The following TXNDC9 variants were observed in gnomAD, a reference collection of about 807,000 sequenced individuals.
The protein encoded by TXNDC9 is thioredoxin domain-containing protein 9.
A neutral mutation model predicts 23.0 loss-of-function variants in TXNDC9; 7 were observed. The observed-to-expected ratio is 0.30, with a 90% CI of 0.17 to 0.57. TXNDC9 has a LOEUF of 0.57. Ranked by LOEUF, TXNDC9 falls within the 20% of genes least tolerant of loss-of-function variation. The pLI, the probability that TXNDC9 is intolerant of heterozygous loss-of-function variation, is 0.90. For missense variants in TXNDC9, 198 were observed against 252.6 expected, an observed-to-expected ratio of 0.78 and a Z score of 1.47; for synonymous variants, 72 against 90.6, an observed-to-expected ratio of 0.79 and a Z score of 1.17.
At chr2:99,317,531 GCT>G (rs1370308391), downstream of TXNDC9, among the ~76,000 whole-genome samples, 2 of 152,104 alleles carry the variant, frequency 1.3e-5, no homozygotes, top group African/African-American at 4.8e-5. Context: ...TTTTGATAGG[GCT>G]CTCTTTTACC....
chr2:99,319,674 A>C lies in TXNDC9; in HGVS notation c.*8T>G, dbSNP rs765623222. On this transcript the variant is annotated 3_prime_UTR_variant, in exon 5 of 5. Coordinates refer to ENST00000264255, the MANE Select transcript of TXNDC9 (RefSeq NM_005783.4). Reference sequence around the variant, plus strand: ...AAAAAAAGACAATTTACAAAGAATTATTGAGCTCTAATCATCATCAGAGTC... The same window carrying C: ...AAAAAAAGACAATTTACAAAGAATTCTTGAGCTCTAATCATCATCAGAGTC... The C allele has an allele frequency of 6.5e-7, 1 of 1,538,168 alleles. No individual in the cohort carries two copies. Among genetic ancestry groups the C allele is most frequent in the Non-Finnish European group, 8.8e-7 (1 of 1,133,162 alleles).
intron 2 of TXNDC9, among the ~76,000 whole-genome samples, chr2:99,330,768 C>T (rs890399516): frequency 3.9e-5 from 6 of 152,130 alleles, no homozygotes; most frequent in South Asian, 2.1e-4. Flanking sequence ...TCCCCAATAC[C>T]CTCGTGGATC....
chr2:99,315,567 C>A (rs2094187380), downstream of TXNDC9, among the ~76,000 whole-genome samples: 1 of 152,206 alleles, frequency 6.6e-6, no homozygotes, highest in Non-Finnish European at 1.5e-5. Context: ...TGACTTGTCA[C>A]ATCAACAAGG....
rs544347968 is a variant in TXNDC9, at chr2:99,322,887, A to G, written c.309-678T>C. 1,954 of 371,940 alleles carry G rather than the reference A, an allele frequency of 5.3e-3. 35 individuals are homozygous for G. Among genetic ancestry groups the G allele is most frequent in the African/African-American group, 0.038 (1,804 of 47,136 alleles). 23.0% of individuals were successfully genotyped at this position (371,940 alleles called of 1,614,324 possible). A position where few individuals can be genotyped will look rare whatever the true frequency, so the allele number is the denominator to read the frequency against. On this transcript the variant is annotated intron_variant, in intron 3 of 4. Transcript: ENST00000264255. ...TGCCATTCTCCTGCCTCAGCCTCCC[A>G]AGTAGCTGGGACTACAGGCGCCTGC...
intron 3 of TXNDC9, 91 bp from the exon 4 acceptor site, chr2:99,322,300 G>C: frequency 6.7e-7 from 1 of 1,483,238 alleles, no homozygotes; most frequent in South Asian, 1.4e-5. Flanking sequence ...TAATTATGTA[G>C]TTTTTCTGTT....
downstream of TXNDC9, among the ~76,000 whole-genome samples, chr2:99,317,164 A>G (rs899189774): frequency 1.3e-5 from 2 of 152,116 alleles, no homozygotes; most frequent in African/African-American, 4.8e-5. Context: ...TTTGGAACAC[A>G]CTTATAATAA....
intron 4 of TXNDC9, 84 bp from the exon 5 acceptor site, chr2:99,319,883 C>T: frequency 1.2e-6 from 1 of 822,944 alleles, no homozygotes; most frequent in Non-Finnish European, 1.9e-6. Flanking sequence ...TTGTTTTCTT[C>T]CTGTAACATA....
At chr2:99,329,606 C>A (rs763959260) in intron 2 of TXNDC9, among the ~76,000 whole-genome samples, 4 of 152,238 alleles carry the variant, frequency 2.6e-5, no homozygotes, top group Non-Finnish European at 5.9e-5. Flanking sequence ...CTCTCAAATA[C>A]AATTCCCTAA....
the TXNDC9 span, among the ~76,000 whole-genome samples, chr2:99,307,277 TGC>T: frequency 6.6e-6 from 1 of 151,954 alleles, no homozygotes; most frequent in African/African-American, 2.4e-5. Flanking sequence ...GGTTAATGTT[TGC>T]AAAATGCCAG....
At chr2:99,323,469 C>T (rs1038248488) in intron 3 of TXNDC9, among the ~76,000 whole-genome samples, 2 of 152,136 alleles carry the variant, frequency 1.3e-5, no homozygotes, top group African/African-American at 2.4e-5. Flanking sequence ...GATGCAGTGG[C>T]TCACGCCTGT....
intron 3 of TXNDC9, among the ~76,000 whole-genome samples, chr2:99,326,063 A>G (rs886197777): frequency 6.6e-6 from 1 of 151,992 alleles, no homozygotes; most frequent in African/African-American, 2.4e-5. Context: ...AATATTTTAC[A>G]TACTAGTATA....
downstream of TXNDC9, among the ~76,000 whole-genome samples, chr2:99,318,658 C>CTAGA (rs1354439230): frequency 6.6e-5 from 10 of 152,178 alleles, no homozygotes; most frequent in Non-Finnish European, 1.3e-4. Context: ...CTTCACTCTA[C>CTAGA]GTACGAGTAA....
the TXNDC9 span, among the ~76,000 whole-genome samples, chr2:99,309,234 G>A: frequency 5.2e-4 from 79 of 151,594 alleles, no homozygotes; most frequent in Middle Eastern, 0.01. Flanking sequence ...TTAGCTGGGC[G>A]TGGTGGCACA....
At chr2:99,317,725 G>A (rs1354027546), downstream of TXNDC9, among the ~76,000 whole-genome samples, 3 of 151,278 alleles carry the variant, frequency 2.0e-5, no homozygotes, top group Non-Finnish European at 2.9e-5. Flanking sequence ...TGGTCCTCCC[G>A]CCTCCGCATC....
chr2:99,314,183 C>A (rs910984781), downstream of TXNDC9, among the ~76,000 whole-genome samples: 2 of 152,014 alleles, frequency 1.3e-5, no homozygotes, highest in African/African-American at 4.8e-5. Flanking sequence ...TCCTTTGCAG[C>A]CTTTAAAACT....
intron 3 of TXNDC9, among the ~76,000 whole-genome samples, chr2:99,326,299 A>T (rs1465693183): frequency 1.3e-5 from 2 of 152,176 alleles, no homozygotes; most frequent in African/African-American, 4.8e-5. Flanking sequence ...GAAAGGTGTT[A>T]ACTAACAATG....
intron 2 of TXNDC9, among the ~76,000 whole-genome samples, chr2:99,331,172 T>C (rs2094224548): frequency 6.6e-6 from 1 of 152,196 alleles, no homozygotes; most frequent in Non-Finnish European, 1.5e-5. Context: ...CAATTAGTAC[T>C]TAAATGTGAC....
At chr2:99,321,734 G>A in intron 4 of TXNDC9, 1 of 522,444 alleles carries the variant, frequency 1.9e-6, no homozygotes, top group Non-Finnish European at 3.3e-6. Context: ...GTGAGACTCA[G>A]TTTTACCTAT....
At chr2:99,308,779 T>C in the TXNDC9 span, among the ~76,000 whole-genome samples, 1 of 152,148 alleles carries the variant, frequency 6.6e-6, no homozygotes, top group Non-Finnish European at 1.5e-5. Context: ...TGGTGCAATC[T>C]TGGCTCACTG....
Sources: gnomAD v4.1 joint callset for allele counts (sites outside exome capture counted in the v4.1 genomes callset) on GRCh38, gnomAD v4.1.1 for gene constraint, MANE v1.5 for transcripts, NCBI Gene and HGNC (gene_info 2026-07-23, HGNC 2026-07-21) for gene names.